Variants in PPARGC1A observed in about 807,000 individuals in gnomAD.
The protein encoded by PPARGC1A is peroxisome proliferator-activated receptor gamma coactivator 1-alpha.
A neutral mutation model predicts 88.7 loss-of-function variants in PPARGC1A; 25 were observed. That is an observed-to-expected ratio of 0.28 (90% confidence interval 0.21 to 0.39). PPARGC1A has a LOEUF of 0.39. Ranked by LOEUF, PPARGC1A falls within the 10% of genes least tolerant of loss-of-function variation. The pLI, the probability that PPARGC1A is intolerant of heterozygous loss-of-function variation, is 1.00. For synonymous variants in PPARGC1A, 363 were observed against 355.6 expected, an observed-to-expected ratio of 1.02 and a Z score of -0.24; for missense variants, 880 against 968.7, an observed-to-expected ratio of 0.91 and a Z score of 1.22.
intron 7 of PPARGC1A, 114 bp downstream of exon 7, chr4:23,824,166 T>C: frequency 1.2e-6 from 1 of 847,030 alleles, no homozygotes; most frequent in East Asian, 2.5e-5. Flanking sequence ...TATCCAATTT[T>C]GTATTCTTTG....
the PPARGC1A span, among the ~76,000 whole-genome samples, chr4:23,983,330 G>A: frequency 6.6e-6 from 1 of 152,084 alleles, no homozygotes; most frequent in Non-Finnish European, 1.5e-5. Flanking sequence ...ACTACTGAAT[G>A]CATGAAGGAC....
At chr4:23,853,738 T>C (rs1183191236) in intron 2 of PPARGC1A, among the ~76,000 whole-genome samples, 4 of 152,192 alleles carry the variant, frequency 2.6e-5, no homozygotes, top group Admixed American at 6.5e-5. Flanking sequence ...TTTAGAAAAC[T>C]ATCTGATAAA....
the PPARGC1A span, among the ~76,000 whole-genome samples, chr4:24,251,211 T>C: frequency 1.3e-5 from 2 of 152,222 alleles, no homozygotes; most frequent in Admixed American, 6.5e-5. Context: ...CTGAATGTGT[T>C]CAAATCCTGG....
chr4:24,373,499 T>A, the PPARGC1A span, among the ~76,000 whole-genome samples: 5 of 152,336 alleles, frequency 3.3e-5, no homozygotes, highest in East Asian at 9.6e-4. Context: ...AAATATTGAA[T>A]TTCTGGGTCA....
the PPARGC1A span, among the ~76,000 whole-genome samples, chr4:24,197,781 C>A: frequency 6.6e-6 from 1 of 152,218 alleles, no homozygotes; most frequent in South Asian, 2.1e-4. Context: ...CAGAAGTCAT[C>A]GAGCTGCCAG....
intron 2 of PPARGC1A, among the ~76,000 whole-genome samples, chr4:23,879,442 T>TA (rs1715478979): frequency 6.6e-6 from 1 of 152,180 alleles, no homozygotes; most frequent in African/African-American, 2.4e-5. Context: ...TCTAGGAAAG[T>TA]ACTTCAGCTC....
the PPARGC1A span, among the ~76,000 whole-genome samples, chr4:24,357,823 A>G: frequency 6.6e-6 from 1 of 152,200 alleles, no homozygotes; most frequent in Non-Finnish European, 1.5e-5. Flanking sequence ...CTGCCGCCAC[A>G]TAAGACATGT....
At chr4:23,844,736 A>G (rs1480898058) in intron 2 of PPARGC1A, among the ~76,000 whole-genome samples, 4 of 41,660 alleles carry the variant, frequency 9.6e-5, no homozygotes, top group African/African-American at 1.4e-4. Flanking sequence ...ATAATATATG[A>G]TATATCATAA....
the PPARGC1A span, among the ~76,000 whole-genome samples, chr4:24,246,667 G>A: frequency 6.6e-6 from 1 of 152,062 alleles, no homozygotes; most frequent in East Asian, 1.9e-4. Context: ...AACAAATTTG[G>A]GGTAAGATGT....
At chr4:23,998,343 C>A in the PPARGC1A span, among the ~76,000 whole-genome samples, 1 of 152,050 alleles carries the variant, frequency 6.6e-6, no homozygotes. Context: ...TTGCTTATTG[C>A]AGTCAATATT....
intron 10 of PPARGC1A, among the ~76,000 whole-genome samples, chr4:23,810,739 A>T (rs531849735): frequency 6.6e-6 from 1 of 152,064 alleles, no homozygotes; most frequent in Admixed American, 6.6e-5. Context: ...TTTTTGGGGG[A>T]AAAATGAAGG....
the PPARGC1A span, among the ~76,000 whole-genome samples, chr4:24,320,426 A>G: frequency 6.6e-6 from 1 of 152,176 alleles, no homozygotes; most frequent in East Asian, 1.9e-4. Context: ...AAGGAAAGTA[A>G]ACAACCTTAG....
At chr4:24,182,340 T>G in the PPARGC1A span, among the ~76,000 whole-genome samples, 1 of 152,220 alleles carries the variant, frequency 6.6e-6, no homozygotes, top group East Asian at 1.9e-4. Flanking sequence ...TCTTTTTTTA[T>G]GGCTGCATAG....
chr4:24,235,602 A>G, the PPARGC1A span, among the ~76,000 whole-genome samples: 1 of 152,148 alleles, frequency 6.6e-6, no homozygotes, highest in African/African-American at 2.4e-5. Flanking sequence ...CTGGAGAGAA[A>G]TTTTCAAATT....
chr4:23,933,037 G>T, the PPARGC1A span, among the ~76,000 whole-genome samples: 5 of 152,150 alleles, frequency 3.3e-5, no homozygotes, highest in Non-Finnish European at 5.9e-5. Context: ...AACCCTAAAG[G>T]GAAAGTGAAG....
At chr4:24,054,308 T>TAAAAA in the PPARGC1A span, among the ~76,000 whole-genome samples, 2,460 of 134,838 alleles carry the variant, frequency 0.018, 74 homozygotes, top group African/African-American at 0.064. Context: ...ATCCTTCTTG[T>TAAAAA]AAAAAAAAAA....
chr4:23,992,531 C>T, the PPARGC1A span, among the ~76,000 whole-genome samples: 6 of 151,226 alleles, frequency 4.0e-5, no homozygotes, highest in African/African-American at 1.5e-4. Flanking sequence ...AGTTTGCACC[C>T]AAAAAAAACA....
At chr4:24,357,483 C>T in the PPARGC1A span, among the ~76,000 whole-genome samples, 1 of 152,192 alleles carries the variant, frequency 6.6e-6, no homozygotes, top group Non-Finnish European at 1.5e-5. Context: ...ATACTTTTTC[C>T]TGCCTGTTTT....
At chr4:24,188,462 T>C in the PPARGC1A span, among the ~76,000 whole-genome samples, 3 of 152,110 alleles carry the variant, frequency 2.0e-5, no homozygotes, top group Non-Finnish European at 4.4e-5. Flanking sequence ...GAACTATTAG[T>C]GCTTTGACAT....
Sources: allele counts gnomAD v4.1 joint callset (sites outside exome capture counted in the v4.1 genomes callset), GRCh38; gene constraint gnomAD v4.1.1; transcripts MANE v1.5; gene names NCBI Gene and HGNC (gene_info 2026-07-23, HGNC 2026-07-21).